The following ADGRD1 variants were observed in gnomAD, a reference collection of about 807,000 sequenced individuals.
ADGRD1 encodes the protein adhesion G protein-coupled receptor D1, also known as G-protein coupled receptor 133.
ADGRD1 carries 77 observed loss-of-function variants against 113.4 expected under a neutral mutation model. The observed-to-expected ratio is 0.68, with a 90% CI of 0.57 to 0.82. The LOEUF (loss-of-function observed/expected upper bound fraction) is 0.82. Among genes scored for constraint, ADGRD1 ranks in the 40% least tolerant of loss-of-function variants. The pLI, the probability that ADGRD1 is intolerant of heterozygous loss-of-function variation, is 0.00. For synonymous variants in ADGRD1, 474 were observed against 475.0 expected (o/e 1.00, Z 0.03); for missense variants, 1,036 against 1,139.1 (o/e 0.91, Z 1.30).
At chr12:131,065,292 A>G (rs1251387390) in intron 13 of ADGRD1, among the ~76,000 whole-genome samples, 2 of 152,152 alleles carry the variant, frequency 1.3e-5, no homozygotes, top group Non-Finnish European at 2.9e-5. Context: ...GTGAAAACAC[A>G]CCTGTTGGTG....
chr12:131,017,267 CCCAG>C (rs1878674897), intron 13 of ADGRD1, among the ~76,000 whole-genome samples: 1 of 150,734 alleles, frequency 6.6e-6, no homozygotes, highest in Admixed American at 6.6e-5. Context: ...TCCACACACA[CCCAG>C]TCCACACACA....
chr12:131,088,397 G>A (rs1886648022), intron 15 of ADGRD1, among the ~76,000 whole-genome samples: 1 of 152,250 alleles, frequency 6.6e-6, no homozygotes, highest in Admixed American at 6.5e-5. Context: ...GGGAGATCAT[G>A]TCGGATGACT....
At position 130,982,138 on chromosome 12, in the gene ADGRD1, C is replaced by A; in HGVS notation, c.490+75C>A. 3.9e-6 allele frequency: 5 copies of A among 1,283,098 alleles called. No homozygotes were observed. The South Asian group carries it at 6.9e-5, about 18-fold the overall frequency. The allele number at this position is 1,283,098 out of a possible 1,614,324, so 79.5% of individuals were successfully genotyped here. A position where few individuals can be genotyped will look rare whatever the true frequency, so the allele number is the denominator to read the frequency against. ...TTCTCTGAGAATGGACGCTGAGAAG[C>A]CCAACGCAGCCCAAGGAGCCCAGGG... On this transcript the variant is annotated intron_variant, in intron 5 of 24. Coordinates refer to ENST00000261654, the MANE Select transcript of ADGRD1 (RefSeq NM_198827.5).
intron 13 of ADGRD1, among the ~76,000 whole-genome samples, chr12:131,043,804 G>A (rs186451834): frequency 4.6e-5 from 7 of 152,386 alleles, no homozygotes; most frequent in East Asian, 1.9e-4. Context: ...AGGGCGGGGC[G>A]CCCTGGTTCC....
At chr12:131,089,467 G>C (rs919152612) in intron 15 of ADGRD1, among the ~76,000 whole-genome samples, 1 of 152,250 alleles carries the variant, frequency 6.6e-6, no homozygotes, top group African/African-American at 2.4e-5. Context: ...CCACCTGGGA[G>C]TAAGGGGAAG....
Position 131,041,493 on chromosome 12 carries a change from C to T in ADGRD1, c.1473+27153C>T, listed in dbSNP as rs1319236186. ...ATAACTAGTGACCTTGGCAGGGAGA[C>T]CGAGACCGAGACCACTTTGTGACCT... On this transcript the variant is annotated intron_variant, in intron 13 of 24. Coordinates refer to ENST00000261654, the MANE Select transcript of ADGRD1 (RefSeq NM_198827.5). The surrounding 1 kb of genome is among the most constrained non-coding windows in gnomAD (Gnocchi z 4.4). Among the ~76,000 whole-genome samples the T allele has an allele frequency of 1.3e-5, 2 of 152,158 alleles. No homozygotes were observed. Among genetic ancestry groups the T allele is most frequent in the Admixed American group, 1.3e-4 (2 of 15,278 alleles).
At chr12:131,129,613 T>C (rs1314181510) in intron 20 of ADGRD1, among the ~76,000 whole-genome samples, 1 of 151,936 alleles carries the variant, frequency 6.6e-6, no homozygotes, top group Admixed American at 6.6e-5. Flanking sequence ...GGAATAGAAA[T>C]CCCTCAAGGG....
rs1006129647 is a variant in ADGRD1, at chr12:131,047,144, C to A, written c.1474-29657C>A. On this transcript the variant is annotated intron_variant, in intron 13 of 24. Transcript: ENST00000261654. ...AGTGGCCTCCCTGGTCAGTGTCCCC[C>A]CTAATCAGTGTTCCTTTCCTGGTCA... Among the ~76,000 whole-genome samples, 6 of 152,318 alleles carry A rather than the reference C, an allele frequency of 3.9e-5. No individual in the cohort carries two copies. The East Asian group carries it at 1.2e-3, about 29-fold the overall frequency.
chr12:131,058,539 T>C (rs948578379), intron 13 of ADGRD1, among the ~76,000 whole-genome samples: 6 of 152,220 alleles, frequency 3.9e-5, no homozygotes, highest in Non-Finnish European at 7.3e-5. Context: ...AAATGTACTT[T>C]AGACATTTTT....
At chr12:131,103,275 C>T (rs1950137997) in intron 15 of ADGRD1, among the ~76,000 whole-genome samples, 1 of 152,274 alleles carries the variant, frequency 6.6e-6, no homozygotes, top group South Asian at 2.1e-4. Flanking sequence ...GTCATGGCAA[C>T]AGCTGTTTCA....
chr12:131,005,908 T>G, intron 11 of ADGRD1, 64 bp from the exon 12 acceptor site: 1 of 1,277,410 alleles, frequency 7.8e-7, no homozygotes, highest in Non-Finnish European at 1.1e-6. Flanking sequence ...GGCGTGGGGC[T>G]TTGTGTTTTT....
At chr12:131,048,881 G>A (rs1343898715) in intron 13 of ADGRD1, among the ~76,000 whole-genome samples, 1 of 152,126 alleles carries the variant, frequency 6.6e-6, no homozygotes, top group Non-Finnish European at 1.5e-5. Flanking sequence ...CCAGCTGGTG[G>A]GGAAGAAGCC....
chr12:130,992,704 T>A (rs1874587527), intron 8 of ADGRD1, among the ~76,000 whole-genome samples: 1 of 152,192 alleles, frequency 6.6e-6, no homozygotes, highest in African/African-American at 2.4e-5. Flanking sequence ...CTAAATAAAC[T>A]CTGCTGCCTC....
At chr12:130,985,834 G>C (rs572297355) in intron 5 of ADGRD1, among the ~76,000 whole-genome samples, 20 of 152,340 alleles carry the variant, frequency 1.3e-4, no homozygotes, top group African/African-American at 4.8e-4. Flanking sequence ...TTACAGGCGT[G>C]AGCCACTGCG....
At chr12:130,976,397 T>C (rs113553374) in intron 4 of ADGRD1, among the ~76,000 whole-genome samples, 4,867 of 152,178 alleles carry the variant, frequency 0.032, 145 homozygotes, top group African/African-American at 0.076. Flanking sequence ...TATCTCCAAG[T>C]ACAGCTCGTA....
At chr12:131,134,932 C>G (rs1036541773) in intron 21 of ADGRD1, among the ~76,000 whole-genome samples, 1 of 152,244 alleles carries the variant, frequency 6.6e-6, no homozygotes, top group African/African-American at 2.4e-5. Context: ...ATGAGGGAGA[C>G]AATCTCAGTC....
At chr12:131,138,850 G>A (rs868689634) in intron 24 of ADGRD1, among the ~76,000 whole-genome samples, 1 of 152,224 alleles carries the variant, frequency 6.6e-6, no homozygotes, top group South Asian at 2.1e-4. Flanking sequence ...TGGAATGAAC[G>A]CAGCGTGGAC....
At chr12:130,982,172 G>A (rs1397408980) in intron 5 of ADGRD1, 109 bp downstream of exon 5, 11 of 921,966 alleles carry the variant, frequency 1.2e-5, no homozygotes, top group Non-Finnish European at 1.8e-5. Context: ...GGATGCTGCT[G>A]CCTCCTGGCA....
At chr12:131,064,362 T>G (rs1479338897) in intron 13 of ADGRD1, among the ~76,000 whole-genome samples, 1 of 152,240 alleles carries the variant, frequency 6.6e-6, no homozygotes, top group Non-Finnish European at 1.5e-5. Context: ...GTCCTAATCA[T>G]GAACAGATAT....
Sources: gnomAD v4.1 joint callset for allele counts (sites outside exome capture counted in the v4.1 genomes callset) on GRCh38, gnomAD v4.1.1 for gene constraint, Gnocchi (gnomAD v3.1) non-coding constraint, MANE v1.5 for transcripts, NCBI Gene and HGNC (gene_info 2026-07-23, HGNC 2026-07-21) for gene names.